The following BPIFB3 variants were observed in gnomAD, a reference collection of about 807,000 sequenced individuals.
The protein encoded by BPIFB3 is BPI fold-containing family B member 3.
In BPIFB3, 49 loss-of-function variants were observed where a neutral mutation model predicts 53.1. The ratio of observed to expected loss-of-function variants is 0.92; its 90% CI spans 0.73 to 1.17. The LOEUF (loss-of-function observed/expected upper bound fraction) is 1.17. Among genes scored for constraint, BPIFB3 ranks in the 50% most tolerant of loss-of-function variants. BPIFB3 has a pLI of 0.00. For synonymous variants in BPIFB3, 271 were observed against 269.6 expected, an observed-to-expected ratio of 1.01 and a Z score of -0.05; for missense variants, 628 against 592.5, an observed-to-expected ratio of 1.06 and a Z score of -0.62.
chr20:33,068,503 G>A (rs1012574396), intron 9 of BPIFB3, among the ~76,000 whole-genome samples: 2 of 152,212 alleles, frequency 1.3e-5, no homozygotes, highest in Non-Finnish European at 2.9e-5. Flanking sequence ...GGGCAGCAGC[G>A]GGAGGAGAGC....
intron 5 of BPIFB3, 76 bp downstream of exon 6, chr20:33,061,907 T>C: frequency 6.5e-7 from 1 of 1,549,380 alleles, no homozygotes; most frequent in Non-Finnish European, 8.9e-7. Context: ...TTGGGTGAAG[T>C]TTGGCGCCAG....
At chr20:33,064,424 T>C in intron 6 of BPIFB3, 33 bp from the exon 8 acceptor site, 1 of 1,553,120 alleles carries the variant, frequency 6.4e-7, no homozygotes, top group East Asian at 2.3e-5. Context: ...ACTGGGCTTA[T>C]AGGGTCGTTC....
chr20:33,058,753 G>T (rs1980319272), intron 2 of BPIFB3, among the ~76,000 whole-genome samples: 1 of 152,000 alleles, frequency 6.6e-6, no homozygotes, highest in Non-Finnish European at 1.5e-5. Context: ...GCCCAGGCAG[G>T]GTGGGATAGG....
chr20:33,058,606 C>G (rs1287028858), intron 2 of BPIFB3, among the ~76,000 whole-genome samples: 1 of 152,032 alleles, frequency 6.6e-6, no homozygotes, highest in African/African-American at 2.4e-5. Context: ...TACTCTCCCT[C>G]CCCTGTGAAA....
intron 12 of BPIFB3, 92 bp downstream of exon 13, chr20:33,071,387 A>T: frequency 7.1e-7 from 1 of 1,399,410 alleles, no homozygotes; most frequent in Non-Finnish European, 9.8e-7. Context: ...GGGCCATATG[A>T]CTGAGCTGAC....
At chr20:33,064,473 G>A (rs1014566482) in exon 7 of BPIFB3, 22 of 1,613,946 alleles carry the variant, frequency 1.4e-5, no homozygotes, top group Admixed American at 1.7e-5. Flanking sequence ...TGTCCCTTGG[G>A]GCTCTTGGGT....
At chr20:33,070,344 T>G (rs1219239778) in intron 11 of BPIFB3, among the ~76,000 whole-genome samples, 2 of 152,192 alleles carry the variant, frequency 1.3e-5, no homozygotes, top group African/African-American at 4.8e-5. Flanking sequence ...ACTTGTTACT[T>G]CTCTATTCTC....
At chr20:33,064,835 C>T in exon 8 of BPIFB3, 1 of 1,612,504 alleles carries the variant, frequency 6.2e-7, no homozygotes, top group Non-Finnish European at 8.5e-7. Context: ...ATGGACATCA[C>T]CCCTGAGCTG....
chr20:33,056,394 A>T, intron 1 of BPIFB3, 148 bp from the exon 3 acceptor site: 1 of 1,060,690 alleles, frequency 9.4e-7, no homozygotes, highest in South Asian at 1.6e-5. Context: ...GTTATGGCTT[A>T]GTGGGTTCCA....
intron 1 of BPIFB3, 144 bp downstream of exon 2, chr20:33,055,691 T>C (rs958116535): frequency 8.1e-7 from 1 of 1,237,992 alleles, no homozygotes; most frequent in African/African-American, 1.5e-5. Flanking sequence ...TGGGAGTAGC[T>C]GTGCAGGAGT....
chr20:33,059,985 C>T (rs1356858534), exon 4 of BPIFB3: 1 of 1,614,194 alleles, frequency 6.2e-7, no homozygotes, highest in Admixed American at 1.7e-5. Flanking sequence ...CATCCTTATC[C>T]TCAAGCGCTG....
chr20:33,066,797 C>T, intron 8 of BPIFB3, 27 bp from the exon 10 acceptor site: 3 of 1,612,072 alleles, frequency 1.9e-6, no homozygotes, highest in Non-Finnish European at 2.5e-6. Context: ...CTGTGCTCAC[C>T]AACCCTCTCT....
At chr20:33,061,638 G>C in intron 4 of BPIFB3, 130 bp from the exon 6 acceptor site, 1 of 860,884 alleles carries the variant, frequency 1.2e-6, no homozygotes, top group South Asian at 1.8e-5. Flanking sequence ...GGTCTCCAAA[G>C]CCGCAGTCAA....
upstream of BPIFB3, among the ~76,000 whole-genome samples, chr20:33,055,079 T>A (rs1980134481): frequency 6.6e-6 from 1 of 152,236 alleles, no homozygotes; most frequent in Admixed American, 6.5e-5. Context: ...AAGATTTTTA[T>A]GTCAGATGGA....
At chr20:33,059,235 A>G in intron 2 of BPIFB3, 143 bp from the exon 4 acceptor site, 1 of 613,572 alleles carries the variant, frequency 1.6e-6, no homozygotes, top group Admixed American at 2.7e-5. Context: ...CTAGGCCCAG[A>G]GAGATGAAGT....
At position 33,070,095 on chromosome 20, in the gene BPIFB3, C is replaced by T. The variant is rs779812266; in HGVS notation, c.1217+140C>T. 4.1e-4 allele frequency: 370 copies of T among 904,710 alleles called. 2 individuals are homozygous for T. The highest frequency in any genetic ancestry group is 8.5e-5 in the Non-Finnish European group (48 of 564,686). The allele number at this position is 904,710 out of a possible 1,614,324, so 56.0% of individuals were successfully genotyped here. On this transcript the variant is annotated intron_variant, in intron 11 of 14. Coordinates refer to ENST00000375494, the Ensembl canonical transcript of BPIFB3. The stretch of plus-strand genomic sequence containing the variant: ...CAGCATCCTCCTTGCCTTCAGGACC[C>T]GCCAGGGAGGAGACAGTGTTAGTCC...
upstream of BPIFB3, among the ~76,000 whole-genome samples, chr20:33,054,904 G>A (rs1980128050): frequency 6.6e-6 from 1 of 152,242 alleles, no homozygotes; most frequent in African/African-American, 2.4e-5. Flanking sequence ...AAGTCTAAGT[G>A]TTGGGTGTCC....
rs1181383431 is a variant in BPIFB3 at position 33,059,302 on chromosome 20, A to C, written c.282-76A>C. The C allele has an allele frequency of 2.7e-6, 3 of 1,092,992 alleles. No individual in the cohort carries two copies. The East Asian group carries it at 7.7e-5, about 28-fold the overall frequency. 67.7% of individuals were successfully genotyped at this position (1,092,992 alleles called of 1,614,324 possible). A position where few individuals can be genotyped will look rare whatever the true frequency, so the allele number is the denominator to read the frequency against. On this transcript the variant is annotated intron_variant, in intron 2 of 14. Coordinates refer to ENST00000375494, the Ensembl canonical transcript of BPIFB3. The stretch of plus-strand genomic sequence containing the variant: ...GGTTTGAGGTGAGATAGGGGACACC[A>C]CCAAGAGCCACTCTGGGCGCCGCCT...
intron 5 of BPIFB3, 97 bp downstream of exon 6, chr20:33,061,928 GCTGTACTTCC>G: frequency 7.0e-7 from 1 of 1,425,406 alleles, no homozygotes; most frequent in Non-Finnish European, 9.8e-7. Flanking sequence ...GCAGGATTAG[GCTGTACTTCC>G]CTTCCACACC....
Sources: allele counts gnomAD v4.1 joint callset (sites outside exome capture counted in the v4.1 genomes callset), GRCh38; gene constraint gnomAD v4.1.1; transcripts MANE v1.5; gene names NCBI Gene and HGNC (gene_info 2026-07-23, HGNC 2026-07-21).